C12orf42: variants seen among roughly 807,000 people sequenced by gnomAD.
C12orf42 encodes the protein uncharacterized protein C12orf42.
C12orf42 carries 25 observed loss-of-function variants against 21.6 expected under a neutral mutation model. The observed-to-expected ratio is 1.16, with a 90% CI of 0.84 to 1.62. C12orf42 has a LOEUF of 1.62. C12orf42 is among the 40% of genes most tolerant of loss of function. C12orf42 has a pLI of 0.00. For missense variants in C12orf42, 483 were observed against 459.3 expected, an observed-to-expected ratio of 1.05 and a Z score of -0.47; for synonymous variants, 174 against 175.0, an observed-to-expected ratio of 0.99 and a Z score of 0.05.
the C12orf42 span, among the ~76,000 whole-genome samples, chr12:103,552,285 G>A: frequency 6.6e-6 from 1 of 152,174 alleles, no homozygotes; most frequent in Non-Finnish European, 1.5e-5. Context: ...ACCTCACTTT[G>A]ATATAAGTGG....
chr12:103,283,214 A>C (rs7131840), intron 4 of C12orf42, among the ~76,000 whole-genome samples: 8,493 of 152,290 alleles, frequency 0.056, 597 homozygotes, highest in African/African-American at 0.16. Flanking sequence ...TATACCACGT[A>C]GGCATGGAGT....
chr12:103,290,980 C>G (rs1264516127), intron 4 of C12orf42, among the ~76,000 whole-genome samples: 1 of 152,054 alleles, frequency 6.6e-6, no homozygotes, highest in African/African-American at 2.4e-5. Flanking sequence ...CACCACTATG[C>G]TATACATGCA....
chr12:103,205,318 T>TCCC, the C12orf42 span, among the ~76,000 whole-genome samples: 1 of 132,316 alleles, frequency 7.6e-6, no homozygotes, highest in Non-Finnish European at 1.8e-5. Context: ...GACTCACAGT[T>TCCC]CCACATGCCT....
the C12orf42 span, among the ~76,000 whole-genome samples, chr12:103,195,014 G>A: frequency 1.3e-5 from 2 of 152,164 alleles, no homozygotes; most frequent in South Asian, 2.1e-4. Flanking sequence ...TGAACTCAGT[G>A]TTTAGCTCCC....
intron 5 of C12orf42, among the ~76,000 whole-genome samples, chr12:103,304,355 C>T (rs569218767): frequency 2.6e-4 from 39 of 152,150 alleles, no homozygotes; most frequent in African/African-American, 9.4e-4. Flanking sequence ...AGCAGACTAA[C>T]GAGCAAGTGA....
At chr12:103,534,692 G>C in the C12orf42 span, among the ~76,000 whole-genome samples, 1 of 152,132 alleles carries the variant, frequency 6.6e-6, no homozygotes, top group Non-Finnish European at 1.5e-5. Context: ...AGTGGGGTGA[G>C]ACGGTTCTCT....
At chr12:103,332,201 A>G (rs1392895554) in intron 4 of C12orf42, among the ~76,000 whole-genome samples, 1 of 152,198 alleles carries the variant, frequency 6.6e-6, no homozygotes, top group Non-Finnish European at 1.5e-5. Flanking sequence ...CACTTGACAC[A>G]CACTAGCATG....
chr12:103,261,122 C>A (rs2034878777), intron 10 of C12orf42, among the ~76,000 whole-genome samples: 1 of 151,996 alleles, frequency 6.6e-6, no homozygotes, highest in Non-Finnish European at 1.5e-5. Context: ...TGAGATTAAA[C>A]ACCCTAAGAG....
At chr12:103,217,379 A>G in the C12orf42 span, among the ~76,000 whole-genome samples, 1 of 151,984 alleles carries the variant, frequency 6.6e-6, no homozygotes, top group Non-Finnish European at 1.5e-5. Context: ...CAAACAAAAA[A>G]TTAGCTGAGT....
At chr12:103,107,246 T>C in the C12orf42 span, among the ~76,000 whole-genome samples, 2 of 151,974 alleles carry the variant, frequency 1.3e-5, no homozygotes, top group African/African-American at 4.8e-5. Flanking sequence ...CGAAAAATTT[T>C]GCAAAACAAA....
intron 2 of C12orf42, among the ~76,000 whole-genome samples, chr12:103,466,347 T>G (rs1463423169): frequency 6.6e-6 from 1 of 152,154 alleles, no homozygotes; most frequent in South Asian, 2.1e-4. Context: ...TTCCCAAAAC[T>G]TGGTGCTCAT....
chr12:103,362,475 A>T (rs2044204750), intron 4 of C12orf42, among the ~76,000 whole-genome samples: 1 of 152,116 alleles, frequency 6.6e-6, no homozygotes, highest in South Asian at 2.1e-4. Flanking sequence ...AAAAAATCAC[A>T]CTAGCTCACC....
At chr12:103,232,854 T>C (rs1416396698), downstream of C12orf42, among the ~76,000 whole-genome samples, 1 of 152,232 alleles carries the variant, frequency 6.6e-6, no homozygotes, top group African/African-American at 2.4e-5. Flanking sequence ...GTCCAGTTGG[T>C]TCAACACTAT....
At chr12:103,551,028 T>C in the C12orf42 span, among the ~76,000 whole-genome samples, 2 of 152,084 alleles carry the variant, frequency 1.3e-5, no homozygotes, top group Non-Finnish European at 2.9e-5. Context: ...TCACTTATAG[T>C]GTTATTTTTA....
chr12:103,395,412 C>G lies in C12orf42; in HGVS notation c.147+6195G>C, dbSNP rs545111218. Among the ~76,000 whole-genome samples the G allele has an allele frequency of 5.3e-5, 8 of 151,612 alleles. No individual in the cohort carries two copies. In the East Asian group the frequency reaches 1.6e-3, roughly 30 times the overall value. On this transcript the variant is annotated intron_variant, in intron 3 of 5. Transcript: ENST00000548883. ...GTGCAGTGGGGTGATCTCCGCTCAC[C>G]GCAAGCTCCGCCTCCCGGGTTCACG...
At chr12:103,175,689 A>T in the C12orf42 span, among the ~76,000 whole-genome samples, 1 of 152,188 alleles carries the variant, frequency 6.6e-6, no homozygotes, top group Non-Finnish European at 1.5e-5. Context: ...CTAACAAAGC[A>T]TTGCACAACT....
At chr12:103,081,843 G>A in the C12orf42 span, among the ~76,000 whole-genome samples, 3 of 151,974 alleles carry the variant, frequency 2.0e-5, no homozygotes, top group Non-Finnish European at 4.4e-5. Flanking sequence ...AGTGAATATT[G>A]CTGCATAGTT....
chr12:103,462,418 A>C (rs1952800144), intron 2 of C12orf42, among the ~76,000 whole-genome samples: 1 of 151,816 alleles, frequency 6.6e-6, no homozygotes, highest in Admixed American at 6.6e-5. Flanking sequence ...GCCTATTTCC[A>C]TTTTTGATAA....
chr12:103,539,407 T>G, the C12orf42 span, among the ~76,000 whole-genome samples: 2 of 152,066 alleles, frequency 1.3e-5, no homozygotes, highest in African/African-American at 4.8e-5. Context: ...CACTATCCAA[T>G]GCATGAACTT....
Sources: allele counts gnomAD v4.1 joint callset (sites outside exome capture counted in the v4.1 genomes callset), GRCh38; gene constraint gnomAD v4.1.1; transcripts MANE v1.5; gene names NCBI Gene and HGNC (gene_info 2026-07-23, HGNC 2026-07-21).